Variants in POLR1C observed in about 807,000 individuals in gnomAD.
POLR1C encodes RNA polymerase I and III subunit C.
Under a neutral mutation model 38.3 loss-of-function variants are expected in POLR1C, and 42 were observed. The ratio of observed to expected loss-of-function variants is 1.10; its 90% CI spans 0.86 to 1.42. POLR1C has a LOEUF of 1.42. Among genes scored for constraint, POLR1C ranks in the 40% most tolerant of loss-of-function variants. The pLI is 0.00. For synonymous variants in POLR1C, 163 were observed against 163.9 expected (o/e 0.99, Z 0.04); for missense variants, 507 against 450.5 (o/e 1.13, Z -1.14).
intron 9 of POLR1C, chr6:43,549,889 T>C (rs1795145610): frequency 6.2e-7 from 1 of 1,609,244 alleles, no homozygotes; most frequent in Non-Finnish European, 8.5e-7. Context: ...ATTAATGGTC[T>C]TACCTTACTT....
chr6:43,520,338 C>T lies in POLR1C; in HGVS notation c.566C>T (p.Thr189Ile), dbSNP rs940847121. ...GNQADLFPEG[T>I]IRPVHDDILI... The stretch of plus-strand genomic sequence containing the variant: ...CAGGCTGATCTCTTTCCAGAGGGCA[C>T]TATCCGACCAGTGCATGATGATATC... Residue 189 changes from threonine (T) to isoleucine (I), a missense_variant, in exon 6 of 9, where the codon ACT (threonine) becomes ATT (isoleucine). Thr to Ile is a moderately conservative substitution (Grantham distance 89, BLOSUM62 -1). Transcript: ENST00000642195. 1.2e-6 allele frequency: 2 copies of T among 1,613,508 alleles called. No homozygotes were observed. Among genetic ancestry groups the T allele is most frequent in the Non-Finnish European group, 1.7e-6 (2 of 1,180,030 alleles).
chr6:43,528,719 TG>T, intron 8 of POLR1C: 1 of 1,050,908 alleles, frequency 9.5e-7, no homozygotes, highest in Non-Finnish European at 1.4e-6. Flanking sequence ...CCAGCCAGTC[TG>T]GCAGGGCTAG....
At chr6:43,549,614 TTAATA>T (rs1795132040) in intron 9 of POLR1C, 1 of 1,603,100 alleles carries the variant, frequency 6.2e-7, no homozygotes, top group Non-Finnish European at 8.5e-7. Flanking sequence ...GGAGCTGCTT[TTAATA>T]TAATATACAG....
rs1190827014 is a variant in POLR1C at position 43,520,407 on chromosome 6, T to C, written c.635T>C (p.Met212Thr). 1 of 1,613,804 alleles carries C rather than the reference T, an allele frequency of 6.2e-7. No homozygotes were observed. Among genetic ancestry groups the C allele is most frequent in the Admixed American group, 1.7e-5 (1 of 60,026 alleles). The change falls in exon 6 of 9, where the codon ATG (methionine) becomes ACG (threonine). Residue 212 changes from methionine to threonine, a missense_variant. Transcript: ENST00000642195. The part of the protein sequence containing the change: ...LRPGQEIDLL[M>T]HCVKGIGKDH... ...CCTGGCCAAGAAATTGACCTGCTCATGCACTGTGTCAAGGGCATTGGTGAG... is the reference window on the plus strand; with the variant it reads ...CCTGGCCAAGAAATTGACCTGCTCACGCACTGTGTCAAGGGCATTGGTGAG...
downstream of POLR1C, chr6:43,524,375 C>T (rs1229308879): frequency 3.8e-6 from 5 of 1,301,412 alleles, no homozygotes; most frequent in African/African-American, 6.0e-5. Context: ...AAAAAAATCT[C>T]ACCATAATGG....
chr6:43,562,391 C>T, exon 11 of POLR1C: 1 of 1,412,346 alleles, frequency 7.1e-7, no homozygotes, highest in Non-Finnish European at 9.8e-7. Flanking sequence ...ATTAAAAAGG[C>T]TGTAATAAAA....
intron 10 of POLR1C, among the ~76,000 whole-genome samples, chr6:43,553,149 T>C (rs1795331468): frequency 6.6e-6 from 1 of 151,872 alleles, no homozygotes; most frequent in East Asian, 1.9e-4. Context: ...ATTTTTATTA[T>C]AAATTAGCCA....
intron 6 of POLR1C, 57 bp from the exon 7 acceptor site, chr6:43,520,568 G>T (rs1308398398): frequency 8.7e-6 from 14 of 1,601,448 alleles, no homozygotes; most frequent in African/African-American, 2.7e-5. Context: ...CTTAGGAGGA[G>T]TATTCTTCCT....
At chr6:43,519,574 C>T in intron 3 of POLR1C, 132 bp from the exon 4 acceptor site, 2 of 1,467,708 alleles carry the variant, frequency 1.4e-6, no homozygotes, top group Non-Finnish European at 1.9e-6. Context: ...TTTACCTTCT[C>T]ATTCTTTGTA....
intron 2 of POLR1C, 150 bp downstream of exon 2, chr6:43,517,527 A>G (rs978368315): frequency 1.4e-6 from 1 of 705,508 alleles, no homozygotes; most frequent in African/African-American, 1.8e-5. Flanking sequence ...TACAGGCCAA[A>G]TTAGACACGG....
At chr6:43,535,760 G>A (rs1364418712) in intron 9 of POLR1C, among the ~76,000 whole-genome samples, 2 of 148,064 alleles carry the variant, frequency 1.4e-5, no homozygotes, top group South Asian at 2.1e-4. Flanking sequence ...CTTGCAATGA[G>A]CTGAAATCGC....
chr6:43,539,716 C>A, intron 9 of POLR1C: 1 of 651,094 alleles, frequency 1.5e-6, no homozygotes, highest in Non-Finnish European at 2.6e-6. Context: ...GGTGTTTTCT[C>A]GGAGAAGAAG....
At chr6:43,529,192 A>T in intron 8 of POLR1C, 2 of 1,449,742 alleles carry the variant, frequency 1.4e-6, no homozygotes, top group Non-Finnish European at 1.9e-6. Context: ...ATAAAAAAAT[A>T]GGAAGGAGGA....
chr6:43,528,150 A>G, intron 8 of POLR1C: 1 of 1,588,674 alleles, frequency 6.3e-7, no homozygotes, highest in Non-Finnish European at 8.6e-7. Context: ...GTGGGTAGGT[A>G]TCCCTTACCA....
At chr6:43,523,878 A>G (rs1241615002), downstream of POLR1C, 17 of 1,613,900 alleles carry the variant, frequency 1.1e-5, no homozygotes, top group Non-Finnish European at 1.4e-5. Context: ...TCAGGGTTCA[A>G]AGATGGTGGC....
downstream of POLR1C, among the ~76,000 whole-genome samples, chr6:43,529,801 G>T (rs1359615274): frequency 6.6e-6 from 1 of 150,578 alleles, no homozygotes; most frequent in African/African-American, 2.5e-5. Flanking sequence ...CGCATCTGTG[G>T]TCCAGTCCAG....
At chr6:43,556,325 A>T (rs1045384626) in intron 10 of POLR1C, among the ~76,000 whole-genome samples, 8 of 152,046 alleles carry the variant, frequency 5.3e-5, no homozygotes, top group Admixed American at 5.2e-4. Flanking sequence ...AGAGTTCAAA[A>T]CCAGTTTGGG....
chr6:43,533,984 G>A (rs1794160594), downstream of POLR1C: 1 of 1,604,270 alleles, frequency 6.2e-7, no homozygotes, highest in East Asian at 2.3e-5. Context: ...TAGCATTTCT[G>A]GTGCATATAA....
chr6:43,553,225 C>T, intron 10 of POLR1C: 2 of 1,009,562 alleles, frequency 2.0e-6, no homozygotes, highest in South Asian at 1.8e-5. Context: ...TTGCTTGAGC[C>T]CAGGAGTTGG....
Sources: allele counts gnomAD v4.1 joint callset (sites outside exome capture counted in the v4.1 genomes callset), GRCh38; gene constraint gnomAD v4.1.1; transcripts MANE v1.5; gene names NCBI Gene and HGNC (gene_info 2026-07-23, HGNC 2026-07-21).